The following SAP130 variants were observed in gnomAD, a reference collection of about 807,000 sequenced individuals.
The protein encoded by SAP130 is Sin3A associated protein 130, also known as histone deacetylase complex subunit SAP130.
SAP130 carries 16 observed loss-of-function variants against 103.2 expected under a neutral mutation model. The observed-to-expected ratio is 0.16, with a 90% confidence interval of 0.10 to 0.24. The LOEUF is 0.24. Among genes scored for constraint, SAP130 ranks in the 10% least tolerant of loss-of-function variants. SAP130 has a pLI of 1.00. For synonymous variants in SAP130, 477 were observed against 497.0 expected (o/e 0.96, Z 0.53); for missense variants, 990 against 1,359.7 (o/e 0.73, Z 4.28).
intron 7 of SAP130, among the ~76,000 whole-genome samples, chr2:128,007,457 T>C (rs1054054578): frequency 6.6e-6 from 1 of 152,208 alleles, no homozygotes; most frequent in Non-Finnish European, 1.5e-5. Flanking sequence ...CAAGACCCCA[T>C]AGATAGAGAT....
At position 127,955,130 on chromosome 2, in the gene SAP130, T is replaced by A. The variant is rs1237442978; in HGVS notation, c.2278A>T (p.Thr760Ser). The A allele has an allele frequency of 6.2e-7, 1 of 1,613,276 alleles. No individual in the cohort carries two copies. Among genetic ancestry groups the A allele is most frequent in the South Asian group, 1.1e-5 (1 of 91,024 alleles). ...LSTIPGAVPI[T>S]PPITTIAAAP... ...GCTGCAATGGTGGTGATGGGTGGAG[T>A]GATGGGGACCGCTCCAGGAATGGTT... The change falls in exon 16 of 21, where the codon ACT (threonine) becomes TCT (serine). Residue 760 changes from threonine to serine, a missense_variant. This residue lies in a region of SAP130 where 349 missense variants were observed against 384.1 expected (regional missense o/e 0.91). Transcript: ENST00000643581. This position sits in a 1 kb window ranked among gnomAD's most constrained non-coding sequence, Gnocchi z 4.9.
chr2:127,997,113 T>C lies in SAP130; in HGVS notation c.1214-622A>G, dbSNP rs563499892. Among the ~76,000 whole-genome samples the C allele has an allele frequency of 2.0e-5, 3 of 152,320 alleles. No individual in the cohort carries two copies. In the South Asian group the frequency reaches 6.2e-4, roughly 32 times the overall value. On this transcript the variant is annotated intron_variant, in intron 10 of 20. Transcript: ENST00000643581. ...ATCACTTAATAATTTCTAAGGTCCTTTGAATGTCCTACGATTTTATATAAT... is the reference window on the plus strand; with the variant it reads ...ATCACTTAATAATTTCTAAGGTCCTCTGAATGTCCTACGATTTTATATAAT...
intron 7 of SAP130, among the ~76,000 whole-genome samples, chr2:128,002,750 A>C (rs1323435121): frequency 1.3e-5 from 2 of 151,808 alleles, no homozygotes; most frequent in Admixed American, 6.6e-5. Context: ...AAAAACAAAC[A>C]AAAAAAACAG....
chr2:128,022,796 GTTGT>G (rs1464825742), intron 2 of SAP130, among the ~76,000 whole-genome samples: 3 of 151,704 alleles, frequency 2.0e-5, no homozygotes, highest in South Asian at 2.1e-4. Flanking sequence ...AAAAAATCAG[GTTGT>G]TTGTCTTTTT....
At chr2:127,982,183 T>C (rs1036291921) in intron 14 of SAP130, among the ~76,000 whole-genome samples, 2 of 147,942 alleles carry the variant, frequency 1.4e-5, no homozygotes, top group Non-Finnish European at 3.0e-5. Context: ...AAAAAAAAAA[T>C]TTAGGGTGGT....
chr2:128,010,848 G>A (rs1467601840), intron 6 of SAP130, among the ~76,000 whole-genome samples: 1 of 132,570 alleles, frequency 7.5e-6, no homozygotes, highest in African/African-American at 2.8e-5. Flanking sequence ...TGAGCAACAA[G>A]AGAGAAACTG....
At chr2:127,949,144 TC>T (rs1679323210) in intron 18 of SAP130, among the ~76,000 whole-genome samples, 2 of 152,194 alleles carry the variant, frequency 1.3e-5, no homozygotes, top group South Asian at 4.1e-4. Flanking sequence ...CAAGTTAGAC[TC>T]ATCTTGAGCC....
At chr2:127,962,506 A>G (rs1402633053) in intron 15 of SAP130, among the ~76,000 whole-genome samples, 2 of 152,264 alleles carry the variant, frequency 1.3e-5, no homozygotes, top group African/African-American at 2.4e-5. Context: ...AGACTGGATT[A>G]AGCAAATGTG....
At chr2:128,026,848 C>A (rs1018933016) in intron 1 of SAP130, among the ~76,000 whole-genome samples, 6 of 152,216 alleles carry the variant, frequency 3.9e-5, no homozygotes, top group African/African-American at 1.4e-4. Context: ...TTCCACAGAT[C>A]CCCTCACAGA....
rs748419603 is a variant in SAP130 at position 128,014,846 on chromosome 2, A to T, written c.576T>A (p.Ala192=). ...NVQMSIIRSN[A]PGPPLHIGAS... ...CTCCAATGTGAAGAGGGGGCCCAGG[A>T]GCATTGCTGCGGATGATAGACATTT... Residue 192 remains alanine (A), a synonymous_variant, in exon 5 of 21, where the codon GCT becomes GCA. Transcript: ENST00000643581. 6.2e-7 allele frequency: 1 copy of T among 1,614,050 alleles called. No homozygotes were observed. Among genetic ancestry groups the T allele is most frequent in the Non-Finnish European group, 8.5e-7 (1 of 1,180,020 alleles).
At position 127,945,310 on chromosome 2, in the gene SAP130, T is replaced by A. The variant is rs117716718; in HGVS notation, c.2901+146A>T. 650 of 595,062 alleles carry A rather than the reference T, an allele frequency of 1.1e-3. 12 individuals carry two copies. The East Asian group carries it at 0.018, about 16-fold the overall frequency. The allele number at this position is 595,062 out of a possible 1,614,324, so 36.9% of individuals were successfully genotyped here. ...CACATGTAACTGACACAGTGTGATA[T>A]TACATAGCACACATAAAAATTCTAT... On this transcript the variant is annotated intron_variant, in intron 19 of 20. Coordinates refer to ENST00000643581, the MANE Select transcript of SAP130 (RefSeq NM_001330301.2).
chr2:128,018,830 C>T (rs1366474256), intron 2 of SAP130, among the ~76,000 whole-genome samples: 1 of 150,570 alleles, frequency 6.6e-6, no homozygotes, highest in East Asian at 1.9e-4. Flanking sequence ...GGGGGCTGAG[C>T]ACAGCCTGTA....
At chr2:127,944,041 T>C (rs979442949) in intron 19 of SAP130, among the ~76,000 whole-genome samples, 1 of 152,116 alleles carries the variant, frequency 6.6e-6, no homozygotes, top group African/African-American at 2.4e-5. Flanking sequence ...TTTGTTTTCT[T>C]CCTTTTTTTT....
chr2:127,952,837 C>A (rs1679585427), intron 16 of SAP130, among the ~76,000 whole-genome samples: 1 of 152,116 alleles, frequency 6.6e-6, no homozygotes, highest in Non-Finnish European at 1.5e-5. Flanking sequence ...CTGGACTTTA[C>A]TTCCTCCCCC....
chr2:127,971,463 G>A (rs1333450751), intron 15 of SAP130, among the ~76,000 whole-genome samples: 2 of 151,720 alleles, frequency 1.3e-5, no homozygotes, highest in Non-Finnish European at 2.9e-5. Context: ...TTTTTTGTAT[G>A]TTTTTAGTAG....
In SAP130 at chr2:127,977,976, G is replaced by A. The variant is rs1028243281; in HGVS notation, c.2063+9C>T. 12 of 1,540,906 alleles carry A rather than the reference G, an allele frequency of 7.8e-6. No individual in the cohort carries two copies. Among genetic ancestry groups the A allele is most frequent in the African/African-American group, 6.9e-5 (5 of 72,822 alleles). On this transcript the variant is annotated intron_variant, in intron 15 of 20. Transcript: ENST00000643581. ...AAAGCAAGAGTGCGAAGAACACTTA[G>A]GTGCTCACCCTGCAGGCCTAGGTGA...
At chr2:127,944,729 AC>A (rs1678951312) in intron 19 of SAP130, among the ~76,000 whole-genome samples, 1 of 151,924 alleles carries the variant, frequency 6.6e-6, no homozygotes, top group Non-Finnish European at 1.5e-5. Context: ...CCTGGCCTCT[AC>A]AAAAAATTTT....
intron 12 of SAP130, among the ~76,000 whole-genome samples, chr2:127,991,740 C>T (rs565729812): frequency 3.4e-4 from 52 of 152,282 alleles, no homozygotes; most frequent in Admixed American, 5.9e-4. Flanking sequence ...ATCAGAAATG[C>T]TTAATCTGTA....
chr2:127,957,000 T>C (rs1413546563), intron 15 of SAP130, among the ~76,000 whole-genome samples: 1 of 152,186 alleles, frequency 6.6e-6, no homozygotes, highest in Non-Finnish European at 1.5e-5. Flanking sequence ...TTTCAACCTA[T>C]AGAAATGAAA....
Sources: allele counts gnomAD v4.1 joint callset (sites outside exome capture counted in the v4.1 genomes callset), GRCh38; gene constraint gnomAD v4.1.1; regional missense constraint gnomAD v4.1.1; non-coding constraint Gnocchi (gnomAD v3.1); transcripts MANE v1.5; gene names NCBI Gene and HGNC (gene_info 2026-07-23, HGNC 2026-07-21).